Variants in JARID2 observed in about 807,000 individuals in gnomAD.
JARID2 encodes jumonji and AT-rich interaction domain containing 2, also known as protein Jumonji.
In JARID2, 21 loss-of-function variants were observed where a neutral mutation model predicts 125.6. The ratio of observed to expected loss-of-function variants is 0.17; its 90% CI spans 0.12 to 0.24. The LOEUF (loss-of-function observed/expected upper bound fraction) is 0.24, where lower values mean the gene tolerates loss of function less well. Among genes scored for constraint, JARID2 ranks in the 10% least tolerant of loss-of-function variants. The pLI, the probability that JARID2 is intolerant of heterozygous loss-of-function variation, is 1.00. For synonymous variants in JARID2, 736 were observed against 661.6 expected (o/e 1.11, Z -1.73); for missense variants, 1,303 against 1,639.6 (o/e 0.79, Z 3.55).
intron 1 of JARID2, among the ~76,000 whole-genome samples, chr6:15,347,316 G>A (rs1357848195): frequency 6.6e-6 from 1 of 152,144 alleles, no homozygotes; most frequent in Non-Finnish European, 1.5e-5. Context: ...TGAAATGCAG[G>A]ACTTAACGAG....
intron 1 of JARID2, among the ~76,000 whole-genome samples, chr6:15,310,976 G>A (rs1297098643): frequency 1.3e-5 from 2 of 152,284 alleles, no homozygotes; most frequent in Middle Eastern, 3.4e-3. Context: ...GTGGGAATGG[G>A]AACCGTCATA....
At chr6:15,295,006 A>G (rs1450976890) in intron 1 of JARID2, among the ~76,000 whole-genome samples, 1 of 152,210 alleles carries the variant, frequency 6.6e-6, no homozygotes, top group African/African-American at 2.4e-5. Context: ...AAGAATTTAG[A>G]TAACCTGAGA....
At chr6:15,283,104 G>A (rs1478540938) in intron 1 of JARID2, among the ~76,000 whole-genome samples, 3 of 151,106 alleles carry the variant, frequency 2.0e-5, no homozygotes, top group Admixed American at 6.6e-5. Context: ...TCAGCCTCCC[G>A]AGTAGCTGGG....
intron 7 of JARID2, among the ~76,000 whole-genome samples, chr6:15,498,655 A>G (rs909537346): frequency 6.6e-6 from 1 of 152,256 alleles, no homozygotes; most frequent in Non-Finnish European, 1.5e-5. Context: ...ATAGGCTTCC[A>G]GGCAGGATGG....
intron 6 of JARID2, among the ~76,000 whole-genome samples, chr6:15,488,718 A>G (rs1770001300): frequency 6.6e-6 from 1 of 152,206 alleles, no homozygotes; most frequent in Non-Finnish European, 1.5e-5. Flanking sequence ...ATGCATGCAC[A>G]TGTGAACCTT....
intron 2 of JARID2, among the ~76,000 whole-genome samples, chr6:15,404,109 C>T (rs1398879756): frequency 1.3e-5 from 2 of 152,220 alleles, no homozygotes; most frequent in African/African-American, 4.8e-5. Context: ...GACATCCTGC[C>T]TCATGACTTG....
intron 1 of JARID2, among the ~76,000 whole-genome samples, chr6:15,256,318 A>G (rs1759663980): frequency 6.6e-6 from 1 of 152,290 alleles, no homozygotes; most frequent in South Asian, 2.1e-4. Context: ...AAGGTGATGT[A>G]ATCACCTTCT....
chr6:15,496,780 A>G lies in JARID2; in HGVS notation c.1555A>G (p.Ser519Gly). Residue 519 changes from serine (S) to glycine (G), a missense_variant, in exon 7 of 18, where the codon AGC (serine) becomes GGC (glycine). This residue lies in a region of JARID2 where 651 missense variants were observed against 581.6 expected (regional missense o/e 1.12). Transcript: ENST00000341776. ...CAGACAAGCACATGGCAAGGCGGAC[A>G]GCGCCTCCTGTGAAAATCGTTCTAC... ...PGRQAHGKADSASCENRSTSQ... is the reference protein window; with the variant it reads ...PGRQAHGKADGASCENRSTSQ... 1.2e-6 allele frequency: 2 copies of G among 1,612,550 alleles called. No homozygotes were observed. The highest frequency in any genetic ancestry group is 1.7e-6 in the Non-Finnish European group (2 of 1,179,446).
At chr6:15,513,073 A>G in intron 15 of JARID2, 28 bp downstream of exon 15, 3 of 1,613,478 alleles carry the variant, frequency 1.9e-6, no homozygotes, top group East Asian at 2.2e-5. Flanking sequence ...CCCACGCCAG[A>G]GAGCTGGACC....
chr6:15,503,988 T>C (rs906926557), intron 8 of JARID2, among the ~76,000 whole-genome samples: 8 of 152,258 alleles, frequency 5.3e-5, no homozygotes, highest in Non-Finnish European at 8.8e-5. Context: ...CAGTGAAGGC[T>C]GCTGCCCTGG....
rs114958726 is a variant in JARID2, at chr6:15,520,746, C to A, written c.*495C>A. 2.4e-5 allele frequency: 11 copies of A among 455,730 alleles called. 1 individual carries two copies. The highest frequency in any genetic ancestry group is 1.7e-4 in the South Asian group (11 of 64,548). The allele number at this position is 455,730 out of a possible 1,614,324, so 28.2% of individuals were successfully genotyped here. ...CTTTGCTTTGGCTGTCGTCTTCTGC[C>A]GTGTGCCAGATGAGCTTGTGATCTG... is the stretch of plus-strand genomic sequence containing the variant. On this transcript the variant is annotated 3_prime_UTR_variant, in exon 18 of 18. Transcript: ENST00000341776.
At chr6:15,489,115 A>T (rs893365550) in intron 6 of JARID2, among the ~76,000 whole-genome samples, 6 of 152,234 alleles carry the variant, frequency 3.9e-5, no homozygotes, top group African/African-American at 1.4e-4. Context: ...CCCAGGGAGA[A>T]AGACAGAAAG....
At chr6:15,300,079 C>T (rs1761550502) in intron 1 of JARID2, among the ~76,000 whole-genome samples, 1 of 152,162 alleles carries the variant, frequency 6.6e-6, no homozygotes, top group Non-Finnish European at 1.5e-5. Flanking sequence ...AATATGATTT[C>T]TCATTGGCCC....
chr6:15,356,531 G>A (rs966958079), intron 1 of JARID2, among the ~76,000 whole-genome samples: 1 of 151,840 alleles, frequency 6.6e-6, no homozygotes, highest in African/African-American at 2.4e-5. Context: ...AGTACATTGT[G>A]TTTCATATGT....
rs567214836 is a variant in JARID2 at position 15,439,949 on chromosome 6, T to TG, written c.324-12056dup. ...CTCTGGAAAGGAACTCTGAGGCACA[T>TG]GTGTTAAACCAGCAATGCTGTACCT... is the stretch of plus-strand genomic sequence containing the variant. On this transcript the variant is annotated intron_variant, in intron 3 of 17. Transcript: ENST00000341776. Among the ~76,000 whole-genome samples the TG allele has an allele frequency of 3.3e-5, 5 of 152,316 alleles. No homozygotes were observed. In the South Asian group the frequency reaches 1.0e-3, roughly 32 times the overall value.
intron 1 of JARID2, among the ~76,000 whole-genome samples, chr6:15,367,109 A>G (rs920485828): frequency 1.3e-5 from 2 of 152,058 alleles, no homozygotes; most frequent in Non-Finnish European, 2.9e-5. Flanking sequence ...AGTGCCCTTG[A>G]TTTGGGTAAT....
At chr6:15,267,927 C>T (rs561439702) in intron 1 of JARID2, among the ~76,000 whole-genome samples, 19 of 152,084 alleles carry the variant, frequency 1.2e-4, no homozygotes, top group Non-Finnish European at 2.1e-4. Flanking sequence ...CAGCAGCCCC[C>T]GAGGATGCTG....
At chr6:15,420,487 A>G (rs1766435605) in intron 3 of JARID2, among the ~76,000 whole-genome samples, 1 of 152,100 alleles carries the variant, frequency 6.6e-6, no homozygotes, top group African/African-American at 2.4e-5. Context: ...TTTCTTGAAC[A>G]TGTGGAGTAC....
chr6:15,465,568 C>T (rs1768681943), intron 4 of JARID2, among the ~76,000 whole-genome samples: 1 of 152,142 alleles, frequency 6.6e-6, no homozygotes, highest in African/African-American at 2.4e-5. Flanking sequence ...CTAACATAAA[C>T]TCAATCCTCA....
Sources: gnomAD v4.1 joint callset for allele counts (sites outside exome capture counted in the v4.1 genomes callset) on GRCh38, gnomAD v4.1.1 for gene constraint, gnomAD v4.1.1 regional missense constraint, MANE v1.5 for transcripts, NCBI Gene and HGNC (gene_info 2026-07-23, HGNC 2026-07-21) for gene names.